Variants in GPC6 observed in about 807,000 individuals in gnomAD.
The protein encoded by GPC6 is glypican 6.
In GPC6, 14 loss-of-function variants were observed where a neutral mutation model predicts 55.2. That is an observed-to-expected ratio of 0.25 (90% CI 0.17 to 0.40). GPC6 has a LOEUF of 0.40. GPC6 is among the 10% of genes least tolerant of loss of function. GPC6 has a pLI of 1.00. For synonymous variants in GPC6, 278 were observed against 259.6 expected (o/e 1.07, Z -0.68); for missense variants, 641 against 708.5 (o/e 0.90, Z 1.08).
intron 2 of GPC6, among the ~76,000 whole-genome samples, chr13:93,590,919 T>C (rs932239235): frequency 1.3e-5 from 2 of 151,958 alleles, no homozygotes; most frequent in Admixed American, 6.6e-5. Flanking sequence ...CGCACCAGCA[T>C]GGCACATGTA....
intron 1 of GPC6, among the ~76,000 whole-genome samples, chr13:93,410,239 T>A (rs955290799): frequency 6.6e-6 from 1 of 152,198 alleles, no homozygotes; most frequent in African/African-American, 2.4e-5. Flanking sequence ...TATTCATAGG[T>A]TGCATTTTTT....
chr13:94,259,903 TAC>T (rs947063084), intron 4 of GPC6, among the ~76,000 whole-genome samples: 1 of 151,886 alleles, frequency 6.6e-6, no homozygotes, highest in Admixed American at 6.6e-5. Context: ...CACACACACA[TAC>T]ACACACACAC....
intron 4 of GPC6, among the ~76,000 whole-genome samples, chr13:94,154,645 T>G (rs1175127054): frequency 6.6e-6 from 1 of 152,106 alleles, no homozygotes; most frequent in Non-Finnish European, 1.5e-5. Context: ...CATTTTAAAC[T>G]TGAGTCTCAC....
chr13:93,458,241 G>A (rs1377773430), intron 1 of GPC6, among the ~76,000 whole-genome samples: 6 of 152,086 alleles, frequency 3.9e-5, no homozygotes, highest in Admixed American at 3.9e-4. Context: ...CTTTCTATAT[G>A]GTCTTTAGCT....
rs920116696 is a variant in GPC6 at position 94,298,313 on chromosome 13, A to G, written c.1009-7667A>G. Among the ~76,000 whole-genome samples the G allele has an allele frequency of 5.3e-5, 8 of 152,196 alleles. No homozygotes were observed. The East Asian group carries it at 1.3e-3, about 26-fold the overall frequency. ...ACTAATTCTGATTTGCTTCCTAATG[A>G]TACGTGAATGCTCCCAGGCACACAC... On this transcript the variant is annotated intron_variant, in intron 5 of 8. Coordinates refer to ENST00000377047, the MANE Select transcript of GPC6 (RefSeq NM_005708.5).
intron 2 of GPC6, among the ~76,000 whole-genome samples, chr13:93,594,996 A>G (rs1281330505): frequency 6.6e-6 from 1 of 152,146 alleles, no homozygotes; most frequent in Non-Finnish European, 1.5e-5. Context: ...CATTCAGACC[A>G]TAGCAACCAA....
At chr13:93,224,772 A>C (rs1303459772), upstream of GPC6, among the ~76,000 whole-genome samples, 2 of 152,220 alleles carry the variant, frequency 1.3e-5, no homozygotes, top group Non-Finnish European at 2.9e-5. Context: ...ACAGTGTGAC[A>C]TTACTCAACA....
At chr13:93,867,373 G>A (rs549326393) in intron 3 of GPC6, among the ~76,000 whole-genome samples, 3 of 151,836 alleles carry the variant, frequency 2.0e-5, no homozygotes, top group Middle Eastern at 3.4e-3. Flanking sequence ...GGAGTTGGAC[G>A]TTGGACTTTG....
intron 1 of GPC6, among the ~76,000 whole-genome samples, chr13:93,398,513 C>T (rs1875947859): frequency 6.6e-6 from 1 of 152,116 alleles, no homozygotes; most frequent in Non-Finnish European, 1.5e-5. Flanking sequence ...GAGTAGTCTG[C>T]TTTAACTTGT....
chr13:93,380,719 A>G (rs9584109), intron 1 of GPC6, among the ~76,000 whole-genome samples: 4,923 of 152,174 alleles, frequency 0.032, 266 homozygotes, highest in African/African-American at 0.11. Context: ...ATTGTTGGTG[A>G]TATTAATACT....
At chr13:94,005,927 T>C (rs975374692) in intron 3 of GPC6, among the ~76,000 whole-genome samples, 4 of 152,132 alleles carry the variant, frequency 2.6e-5, no homozygotes, top group African/African-American at 7.2e-5. Context: ...ACTCTCTGCT[T>C]TAAAAAAAGA....
chr13:94,396,872 G>A (rs948169794), intron 7 of GPC6, among the ~76,000 whole-genome samples: 2 of 152,170 alleles, frequency 1.3e-5, no homozygotes, highest in African/African-American at 2.4e-5. Flanking sequence ...GCTAGACTGG[G>A]AGTAAGTCAT....
intron 4 of GPC6, among the ~76,000 whole-genome samples, chr13:94,198,101 A>C (rs1889637008): frequency 2.0e-5 from 3 of 152,246 alleles, no homozygotes; most frequent in African/African-American, 7.2e-5. Flanking sequence ...CCCAAAACAT[A>C]ATAAATACAA....
intron 2 of GPC6, among the ~76,000 whole-genome samples, chr13:93,553,694 CAA>C (rs34521652): frequency 1.9e-3 from 107 of 56,638 alleles, no homozygotes; most frequent in African/African-American, 5.6e-3. Context: ...GACTCCATCT[CAA>C]AAAAAAAAAA....
chr13:94,075,318 G>C (rs1372627295), intron 4 of GPC6, among the ~76,000 whole-genome samples: 1 of 152,040 alleles, frequency 6.6e-6, no homozygotes, highest in Non-Finnish European at 1.5e-5. Context: ...TGAAGAGTTT[G>C]GACATATGAA....
intron 6 of GPC6, among the ~76,000 whole-genome samples, chr13:94,342,491 G>C (rs1388197032): frequency 1.3e-5 from 2 of 152,160 alleles, no homozygotes; most frequent in Non-Finnish European, 2.9e-5. Context: ...GGAGCCACCA[G>C]ATGTTAGGAG....
intron 1 of GPC6, among the ~76,000 whole-genome samples, chr13:93,372,351 GTCTGTAAGGC>G: frequency 6.6e-6 from 1 of 152,224 alleles, no homozygotes; most frequent in East Asian, 1.9e-4. Context: ...GTCTCTCTGG[GTCTGTAAGGC>G]TCTATTAATA....
intron 1 of GPC6, among the ~76,000 whole-genome samples, chr13:93,421,093 C>T (rs1446153854): frequency 2.0e-5 from 3 of 152,108 alleles, no homozygotes; most frequent in Admixed American, 6.6e-5. Flanking sequence ...GTGACGGCGG[C>T]GTGGGCGGGG....
chr13:94,104,409 C>T (rs894283740), intron 4 of GPC6, among the ~76,000 whole-genome samples: 1 of 152,110 alleles, frequency 6.6e-6, no homozygotes, highest in Non-Finnish European at 1.5e-5. Flanking sequence ...AAAACTGGCA[C>T]AAGACAGGGA....
Sources: gnomAD v4.1 joint callset for allele counts (sites outside exome capture counted in the v4.1 genomes callset) on GRCh38, gnomAD v4.1.1 for gene constraint, MANE v1.5 for transcripts, NCBI Gene and HGNC (gene_info 2026-07-23, HGNC 2026-07-21) for gene names.